Variants in DACH1 observed in about 807,000 individuals in gnomAD.
DACH1 encodes the protein dachshund family transcription factor 1.
DACH1 carries 12 observed loss-of-function variants against 54.2 expected under a neutral mutation model. The observed-to-expected ratio is 0.22, with a 90% confidence interval of 0.14 to 0.36. DACH1 has a LOEUF of 0.36. Ranked by LOEUF, DACH1 falls within the 10% of genes least tolerant of loss-of-function variation. The pLI is 1.00. For synonymous variants in DACH1, 386 were observed against 366.2 expected (o/e 1.05, Z -0.62); for missense variants, 805 against 929.8 (o/e 0.87, Z 1.75).
intron 1 of DACH1, among the ~76,000 whole-genome samples, chr13:71,739,151 C>T (rs1884276448): frequency 6.6e-6 from 1 of 152,066 alleles, no homozygotes; most frequent in Non-Finnish European, 1.5e-5. Context: ...ACGTGGGAAG[C>T]TGAGGCAGGA....
In DACH1 at chr13:71,708,003, A is replaced by G. The variant is rs560798966; in HGVS notation, c.849-26093T>C. Among the ~76,000 whole-genome samples the G allele has an allele frequency of 1.1e-4, 16 of 152,256 alleles. No individual in the cohort carries two copies. The South Asian group carries it at 3.1e-3, about 30-fold the overall frequency. On this transcript the variant is annotated intron_variant, in intron 1 of 10. Transcript: ENST00000613252. Reference sequence around the variant, plus strand: ...GAAAAGCATAATAATATACTTGGTGAGTAATCTAACTTCTTTTTCTCCAAA... The same window carrying G: ...GAAAAGCATAATAATATACTTGGTGGGTAATCTAACTTCTTTTTCTCCAAA...
At position 71,692,732 on chromosome 13, in the gene DACH1, A is replaced by G. The variant is rs535489185; in HGVS notation, c.849-10822T>C. Among the ~76,000 whole-genome samples, 10 of 151,734 alleles carry G rather than the reference A, an allele frequency of 6.6e-5. No homozygotes were observed. In the South Asian group the frequency reaches 2.1e-3, roughly 32 times the overall value. On this transcript the variant is annotated intron_variant, in intron 1 of 10. Transcript: ENST00000613252. ...GAGACGGGGTTTCACCATATTGGCC[A>G]GGCTGGTCTCGAACTCCTGACCTCT...
At chr13:71,767,134 A>C (rs1885668093) in intron 1 of DACH1, among the ~76,000 whole-genome samples, 1 of 152,008 alleles carries the variant, frequency 6.6e-6, no homozygotes, top group African/African-American at 2.4e-5. Flanking sequence ...CTTTGCAATT[A>C]ATATATATTT....
At chr13:71,747,185 A>C (rs1157596505) in intron 1 of DACH1, among the ~76,000 whole-genome samples, 1 of 152,268 alleles carries the variant, frequency 6.6e-6, no homozygotes, top group Non-Finnish European at 1.5e-5. Flanking sequence ...AATTGTTCAC[A>C]ATGATGAGAG....
intron 1 of DACH1, among the ~76,000 whole-genome samples, chr13:71,841,575 T>A (rs1247661197): frequency 6.6e-6 from 1 of 152,108 alleles, no homozygotes; most frequent in African/African-American, 2.4e-5. Flanking sequence ...TAGGTGAAAA[T>A]TAAATTTAGT....
intron 1 of DACH1, among the ~76,000 whole-genome samples, chr13:71,804,641 C>T (rs923315169): frequency 1.3e-5 from 2 of 152,172 alleles, no homozygotes; most frequent in Non-Finnish European, 2.9e-5. Flanking sequence ...TGCCAAAGCG[C>T]TGCATTTGCT....
Position 71,513,187 on chromosome 13 carries a change from A to G in DACH1, c.1571-24039T>C, listed in dbSNP as rs562152855. 9.1e-4 allele frequency among the ~76,000 whole-genome samples: 138 copies of G among 152,086 alleles called. 1 individual carries two copies. Among genetic ancestry groups the G allele is most frequent in the African/African-American group, 3.2e-3 (135 of 41,548 alleles). ...TAATGTGCTGAAATCCTTTAAAAGT[A>G]TGCTCTCTTAAGTGGGTTAAACATG... On this transcript the variant is annotated intron_variant, in intron 6 of 10. Transcript: ENST00000613252.
chr13:71,488,799 G>A (rs1878748851), intron 7 of DACH1, among the ~76,000 whole-genome samples, 198 bp downstream of exon 7: 1 of 149,632 alleles, frequency 6.7e-6, no homozygotes, highest in African/African-American at 2.5e-5. Context: ...ACATATATAT[G>A]AATATATATA....
intron 1 of DACH1, among the ~76,000 whole-genome samples, chr13:71,784,968 T>C (rs1166985964): frequency 6.6e-6 from 1 of 152,130 alleles, no homozygotes; most frequent in Non-Finnish European, 1.5e-5. Flanking sequence ...AAAGCGATGA[T>C]CACTAGAAAA....
Position 71,761,354 on chromosome 13 carries a change from G to A in DACH1, c.849-79444C>T, listed in dbSNP as rs765801995. 1.1e-4 allele frequency among the ~76,000 whole-genome samples: 17 copies of A among 152,158 alleles called. No homozygotes were observed. The East Asian group carries it at 1.5e-3, about 14-fold the overall frequency. Reference sequence around the variant, plus strand: ...CACCATTTTGCTTGTACTTATAAGCGCTGACTCAAAAGGGAGTCCATGTTA... The same window carrying A: ...CACCATTTTGCTTGTACTTATAAGCACTGACTCAAAAGGGAGTCCATGTTA... On this transcript the variant is annotated intron_variant, in intron 1 of 10. Transcript: ENST00000613252.
chr13:71,678,707 A>C (rs1880717107), intron 2 of DACH1, among the ~76,000 whole-genome samples: 1 of 150,220 alleles, frequency 6.7e-6, no homozygotes, highest in Non-Finnish European at 1.5e-5. Flanking sequence ...CCCAGGCTTG[A>C]ATGCAGTGGT....
intron 6 of DACH1, among the ~76,000 whole-genome samples, chr13:71,536,377 C>T (rs908898599): frequency 6.6e-6 from 1 of 152,024 alleles, no homozygotes; most frequent in African/African-American, 2.4e-5. Context: ...AATCTCATAT[C>T]TAGTGAAAGT....
At chr13:71,651,672 AT>A (rs1566406954) in intron 2 of DACH1, among the ~76,000 whole-genome samples, 4 of 137,562 alleles carry the variant, frequency 2.9e-5, no homozygotes, top group African/African-American at 1.2e-4. Context: ...CTGTATCTGT[AT>A]CTGTATCTGT....
intron 2 of DACH1, among the ~76,000 whole-genome samples, chr13:71,643,218 T>G (rs1878033535): frequency 6.6e-6 from 1 of 152,192 alleles, no homozygotes; most frequent in South Asian, 2.1e-4. Context: ...GTCATTTTTC[T>G]CATGCATTTA....
intron 3 of DACH1, among the ~76,000 whole-genome samples, chr13:71,629,196 C>A (rs564595945): frequency 6.6e-6 from 1 of 152,142 alleles, no homozygotes; most frequent in African/African-American, 2.4e-5. Context: ...TGTGTGTAAA[C>A]CATGACCGAA....
intron 1 of DACH1, among the ~76,000 whole-genome samples, chr13:71,749,180 C>T (rs1884810506): frequency 6.6e-6 from 1 of 151,740 alleles, no homozygotes; most frequent in Non-Finnish European, 1.5e-5. Context: ...GATGGGGTTT[C>T]AGCATGTTGG....
chr13:71,817,814 C>CAT (rs1555326565), intron 1 of DACH1, among the ~76,000 whole-genome samples: 5 of 119,088 alleles, frequency 4.2e-5, no homozygotes, highest in Non-Finnish European at 8.3e-5. Context: ...TTCTTTCTTC[C>CAT]TTTTTTTTTT....
chr13:71,832,419 T>C (rs772076744), intron 1 of DACH1, among the ~76,000 whole-genome samples: 6 of 151,734 alleles, frequency 4.0e-5, no homozygotes, highest in Non-Finnish European at 8.8e-5. Flanking sequence ...TGCATAAACA[T>C]AAAAAAATAA....
At chr13:71,664,218 A>T (rs536835065) in intron 2 of DACH1, among the ~76,000 whole-genome samples, 239 of 152,180 alleles carry the variant, frequency 1.6e-3, no homozygotes, top group African/African-American at 5.6e-3. Flanking sequence ...ACTTTAAGAC[A>T]ACTGTCAAAA....
Sources: gnomAD v4.1 joint callset for allele counts (sites outside exome capture counted in the v4.1 genomes callset) on GRCh38, gnomAD v4.1.1 for gene constraint, MANE v1.5 for transcripts, NCBI Gene and HGNC (gene_info 2026-07-23, HGNC 2026-07-21) for gene names.